LGMN: variants seen among roughly 807,000 people sequenced by gnomAD.
LGMN encodes legumain.
A neutral mutation model predicts 56.8 loss-of-function variants in LGMN; 36 were observed. The observed-to-expected ratio is 0.63, with a 90% confidence interval of 0.49 to 0.84. LGMN has a LOEUF of 0.84. Among genes scored for constraint, LGMN ranks in the 40% least tolerant of loss-of-function variants. LGMN has a pLI of 0.00. For synonymous variants in LGMN, 199 were observed against 210.1 expected, an observed-to-expected ratio of 0.95 and a Z score of 0.46; for missense variants, 446 against 556.1, an observed-to-expected ratio of 0.80 and a Z score of 1.99.
chr14:92,708,601 A>G (rs986244822), intron 11 of LGMN, among the ~76,000 whole-genome samples: 3 of 152,164 alleles, frequency 2.0e-5, no homozygotes, highest in Non-Finnish European at 4.4e-5. Flanking sequence ...AACCACATTG[A>G]TTTAAAAAAA....
chr14:92,713,763 G>T, intron 7 of LGMN, 60 bp downstream of exon 7: 1 of 1,141,954 alleles, frequency 8.8e-7, no homozygotes, highest in Non-Finnish European at 1.3e-6. Context: ...TGTGGGCTCT[G>T]CACTCACGGC....
intron 2 of LGMN, 35 bp from the exon 3 acceptor site, chr14:92,718,879 G>A (rs748761044): frequency 6.6e-7 from 1 of 1,516,366 alleles, no homozygotes; most frequent in Non-Finnish European, 9.2e-7. Context: ...TTTAGATCTT[G>A]CCTGGGAGGC....
rs780256263 is a variant in LGMN at position 92,714,994 on chromosome 14, A to ATTTTTTT, written c.405-550_405-544dup. On this transcript the variant is annotated intron_variant, in intron 5 of 13. Transcript: ENST00000334869. This position sits in a 1 kb window ranked among gnomAD's most constrained non-coding sequence, Gnocchi z 5.1. ...CTCACAGATGTCCATCTCCATACTA[A>ATTTTTTT]TTTTTTTTTTTTTTTTTTTTTTGAG... is the stretch of plus-strand genomic sequence containing the variant. Among the ~76,000 whole-genome samples, 38 of 127,378 alleles carry ATTTTTTT rather than the reference A, an allele frequency of 3.0e-4. 1 individual carries two copies. Among genetic ancestry groups the ATTTTTTT allele is most frequent in the African/African-American group, 1.1e-3 (37 of 32,468 alleles). The allele number at this position is 127,378 out of a possible 152,430, so 83.6% of individuals were successfully genotyped here.
Position 92,706,483 on chromosome 14 carries a change from C to T in LGMN, c.1191G>A (p.Thr397=), listed in dbSNP as rs1468670727. Residue 397 remains threonine (T), a splice_region_variant and synonymous_variant, in exon 12 of 14, where the codon ACG becomes ACA. Transcript: ENST00000334869. ...TCATGGGGAGAGCCTGCTGGCTCAC[C>T]GTGGGGGAGTGCCAGTTGAAGCAGT... The part of the protein sequence containing the change: ...RTHCFNWHSP[T]YEYALRHLYV... 5.2e-6 allele frequency: 8 copies of T among 1,539,476 alleles called. No homozygotes were observed. The highest frequency in any genetic ancestry group is 4.8e-5 in the South Asian group (4 of 84,056).
At chr14:92,732,935 G>C (rs1211050424) in intron 1 of LGMN, 120 bp from the exon 2 acceptor site, 1 of 689,616 alleles carries the variant, frequency 1.5e-6, no homozygotes, top group Non-Finnish European at 2.3e-6. Context: ...TGGATCAAGA[G>C]GTCAGGAGTT....
In LGMN at chr14:92,719,227, A is replaced by G. The variant is rs1400327701; in HGVS notation, c.139-383T>C. The stretch of plus-strand genomic sequence containing the variant: ...CACCACCACCGCCACCAACACCACC[A>G]CCGCCACCGCCACCACCGCCACCAC... On this transcript the variant is annotated intron_variant, in intron 2 of 13. Coordinates refer to ENST00000334869, the MANE Select transcript of LGMN (RefSeq NM_005606.7). Among the ~76,000 whole-genome samples the G allele has an allele frequency of 5.3e-3, 335 of 63,198 alleles. 17 individuals are homozygous for G. Among genetic ancestry groups the G allele is most frequent in the African/African-American group, 0.032 (310 of 9,830 alleles). The allele number at this position is 63,198 out of a possible 152,430, so 41.5% of individuals were successfully genotyped here.
Position 92,713,818 on chromosome 14 carries a change from A to G in LGMN, c.543+5T>C, listed in dbSNP as rs1353576781. ...CCCACAAGGCTGCCCCAAGGGCTGA[A>G]TTACCTTTCGGTACATTTTGTGTTT... On this transcript the variant is annotated splice_donor_5th_base_variant and intron_variant, in intron 7 of 13. Transcript: ENST00000334869. 7 of 1,610,022 alleles carry G rather than the reference A, an allele frequency of 4.3e-6. No individual in the cohort carries two copies. The highest frequency in any genetic ancestry group is 6.0e-6 in the Non-Finnish European group (7 of 1,176,370).
chr14:92,739,931 G>A (rs79350695), intron 1 of LGMN, among the ~76,000 whole-genome samples: 47 of 152,246 alleles, frequency 3.1e-4, no homozygotes, highest in African/African-American at 1.0e-3. Flanking sequence ...ACAGACAGTC[G>A]TTGCCCCAGC....
At position 92,723,115 on chromosome 14, in the gene LGMN, C is replaced by T. The variant is rs150649202; in HGVS notation, c.139-4271G>A. Among the ~76,000 whole-genome samples, 1,476 of 151,658 alleles carry T rather than the reference C, an allele frequency of 9.7e-3. 29 individuals carry two copies. The highest frequency in any genetic ancestry group is 0.033 in the African/African-American group (1,374 of 41,296). ...AGACTGGAGTGCAGTGGTGCGATCT[C>T]GGCTCACTGCAACCTCCGCCTCCCG... On this transcript the variant is annotated intron_variant, in intron 2 of 13. Transcript: ENST00000334869.
At chr14:92,727,449 A>T (rs1217827747) in intron 2 of LGMN, among the ~76,000 whole-genome samples, 2 of 151,274 alleles carry the variant, frequency 1.3e-5, no homozygotes, top group Non-Finnish European at 2.9e-5. Context: ...AAAAAAAAAA[A>T]AAAGGACCTG....
At chr14:92,710,321 T>C (rs887554314) in intron 10 of LGMN, among the ~76,000 whole-genome samples, 4 of 152,242 alleles carry the variant, frequency 2.6e-5, no homozygotes, top group Admixed American at 6.5e-5. Context: ...GTGACCTGTA[T>C]GTGCTCACTC....
At chr14:92,704,561 C>A in intron 13 of LGMN, 79 bp downstream of exon 13, 1 of 1,287,490 alleles carries the variant, frequency 7.8e-7, no homozygotes, top group South Asian at 1.2e-5. Context: ...TGAAAATGCC[C>A]ACTTGCAGAA....
intron 4 of LGMN, among the ~76,000 whole-genome samples, 188 bp downstream of exon 4, chr14:92,717,192 C>T (rs1345585804): frequency 6.6e-6 from 1 of 152,220 alleles, no homozygotes; most frequent in Non-Finnish European, 1.5e-5. Context: ...TCTAAACATT[C>T]TCTTTTCCTC....
chr14:92,742,510 T>C (rs1477051444), intron 1 of LGMN, among the ~76,000 whole-genome samples: 1 of 151,832 alleles, frequency 6.6e-6, no homozygotes, highest in African/African-American at 2.4e-5. Flanking sequence ...TGGTCTCGAG[T>C]TCCTGGCCTC....
chr14:92,712,769 C>T (rs1248461615), intron 8 of LGMN, 36 bp downstream of exon 8: 1 of 1,603,544 alleles, frequency 6.2e-7, no homozygotes, highest in Admixed American at 1.7e-5. Context: ...AACCTGCTTG[C>T]CAGCCCAGGT....
At chr14:92,717,550 G>A in intron 3 of LGMN, 89 bp from the exon 4 acceptor site, 5 of 978,210 alleles carry the variant, frequency 5.1e-6, no homozygotes, top group Non-Finnish European at 6.6e-6. Context: ...CGAAAAAATA[G>A]TAAACGTCTA....
chr14:92,743,193 C>T (rs1195307263), intron 1 of LGMN, among the ~76,000 whole-genome samples: 2 of 152,016 alleles, frequency 1.3e-5, no homozygotes, highest in South Asian at 2.1e-4. Flanking sequence ...GATTTTCTGG[C>T]TAAAGAATGG....
intron 1 of LGMN, among the ~76,000 whole-genome samples, chr14:92,747,035 CAAAA>C (rs35615315): frequency 1.3e-5 from 1 of 78,972 alleles, no homozygotes. Context: ...GACTCCGTCT[CAAAA>C]AAAAAAAAAA....
At chr14:92,739,661 C>T (rs1891461670) in intron 1 of LGMN, among the ~76,000 whole-genome samples, 1 of 152,114 alleles carries the variant, frequency 6.6e-6, no homozygotes, top group Non-Finnish European at 1.5e-5. Flanking sequence ...GGGAGTCCCA[C>T]TAGGAGTGGG....
Sources: allele counts gnomAD v4.1 joint callset (sites outside exome capture counted in the v4.1 genomes callset), GRCh38; gene constraint gnomAD v4.1.1; non-coding constraint Gnocchi (gnomAD v3.1); transcripts MANE v1.5; gene names NCBI Gene and HGNC (gene_info 2026-07-23, HGNC 2026-07-21).